Variants in DIAPH3 observed in about 807,000 individuals in gnomAD.
DIAPH3 encodes protein diaphanous homolog 3.
In DIAPH3, 117 loss-of-function variants were observed where a neutral mutation model predicts 144.3. The ratio of observed to expected loss-of-function variants is 0.81; its 90% CI spans 0.70 to 0.95. DIAPH3 has a LOEUF of 0.95. DIAPH3 is among the 40% of genes least tolerant of loss of function. DIAPH3 has a pLI of 0.00. For missense variants in DIAPH3, 1,421 were observed against 1,412.7 expected, an observed-to-expected ratio of 1.01 and a Z score of -0.09; for synonymous variants, 519 against 488.9, an observed-to-expected ratio of 1.06 and a Z score of -0.81.
At chr13:59,920,640 A>G (rs986713053) in intron 18 of DIAPH3, among the ~76,000 whole-genome samples, 3 of 151,724 alleles carry the variant, frequency 2.0e-5, no homozygotes, top group Non-Finnish European at 3.0e-5. Context: ...TTGCAATACA[A>G]TATTAGGAGA....
intron 20 of DIAPH3, among the ~76,000 whole-genome samples, chr13:59,892,072 A>G (rs910154968): frequency 6.6e-6 from 1 of 152,062 alleles, no homozygotes; most frequent in South Asian, 2.1e-4. Context: ...GGAATATACC[A>G]TAAGTAAGCA....
intron 4 of DIAPH3, among the ~76,000 whole-genome samples, chr13:60,088,052 G>A (rs1469417892): frequency 2.0e-5 from 3 of 152,046 alleles, no homozygotes; most frequent in Non-Finnish European, 4.4e-5. Flanking sequence ...AAACCTAATG[G>A]TACAGCCAAA....
intron 27 of DIAPH3, among the ~76,000 whole-genome samples, chr13:59,685,461 G>A (rs979264179): frequency 6.6e-6 from 1 of 152,090 alleles, no homozygotes; most frequent in African/African-American, 2.4e-5. Context: ...AAAGAAGCAG[G>A]TATGTGGACA....
Position 59,864,784 on chromosome 13 carries a change from G to A in DIAPH3, c.2608-3248C>T, listed in dbSNP as rs527678022. The stretch of plus-strand genomic sequence containing the variant: ...TGATTTAGGAGGAGGGTGCTACCAT[G>A]GGTTGTCTTGTTGAAAACATCAACT... On this transcript the variant is annotated intron_variant, in intron 21 of 27. Transcript: ENST00000400324. Among the ~76,000 whole-genome samples the A allele has an allele frequency of 1.1e-4, 16 of 152,016 alleles. 1 individual carries two copies. The East Asian group carries it at 3.1e-3, about 29-fold the overall frequency.
intron 21 of DIAPH3, among the ~76,000 whole-genome samples, chr13:59,871,474 C>A (rs2044276135): frequency 6.6e-6 from 1 of 152,056 alleles, no homozygotes; most frequent in Non-Finnish European, 1.5e-5. Context: ...TCCCCTCTAC[C>A]CCTATTTGGT....
intron 27 of DIAPH3, among the ~76,000 whole-genome samples, chr13:59,708,909 A>G (rs1355627625): frequency 6.6e-6 from 1 of 152,128 alleles, no homozygotes; most frequent in African/African-American, 2.4e-5. Flanking sequence ...ATCCTTTACC[A>G]AAAGACCTTT....
chr13:59,749,865 G>T (rs907845966), intron 27 of DIAPH3, among the ~76,000 whole-genome samples: 1 of 152,074 alleles, frequency 6.6e-6, no homozygotes, highest in Non-Finnish European at 1.5e-5. Context: ...GATGTATTAG[G>T]ATCACCATCA....
At chr13:59,777,303 T>C (rs901967454) in intron 25 of DIAPH3, among the ~76,000 whole-genome samples, 2 of 152,138 alleles carry the variant, frequency 1.3e-5, no homozygotes, top group African/African-American at 4.8e-5. Flanking sequence ...ATCATGGGAA[T>C]GGGATTATTG....
At chr13:59,925,383 T>C (rs2047704708) in intron 17 of DIAPH3, among the ~76,000 whole-genome samples, 1 of 152,188 alleles carries the variant, frequency 6.6e-6, no homozygotes, top group Non-Finnish European at 1.5e-5. Context: ...TTGAATCATC[T>C]ATGCATCCTT....
Position 60,097,313 on chromosome 13 carries a change from G to A in DIAPH3, c.391-3581C>T, listed in dbSNP as rs184015906. 5.1e-3 allele frequency among the ~76,000 whole-genome samples: 780 copies of A among 152,294 alleles called. 2 individuals carry two copies. Among genetic ancestry groups the A allele is most frequent in the Admixed American group, 7.7e-3 (118 of 15,286 alleles). ...CATGGGTGCAGCTCCCTCATGAATAGATTAATGACCTTCCTGGGGTGGGGG... is the reference window on the plus strand; with the variant it reads ...CATGGGTGCAGCTCCCTCATGAATAAATTAATGACCTTCCTGGGGTGGGGG... On this transcript the variant is annotated intron_variant, in intron 3 of 27. Coordinates refer to ENST00000400324, the MANE Select transcript of DIAPH3 (RefSeq NM_001042517.2).
At chr13:60,095,536 TGA>T (rs2058082136) in intron 3 of DIAPH3, among the ~76,000 whole-genome samples, 1 of 152,046 alleles carries the variant, frequency 6.6e-6, no homozygotes, top group African/African-American at 2.4e-5. Context: ...ATGGCGCTAG[TGA>T]GAGTGTCTTA....
intron 2 of DIAPH3, among the ~76,000 whole-genome samples, chr13:60,129,524 C>A (rs933847132): frequency 2.6e-5 from 4 of 152,104 alleles, no homozygotes; most frequent in African/African-American, 9.7e-5. Flanking sequence ...CTTTTGCAGA[C>A]CTTTAACAAA....
intron 27 of DIAPH3, among the ~76,000 whole-genome samples, chr13:59,768,488 T>C (rs899103435): frequency 5.9e-5 from 9 of 152,088 alleles, no homozygotes; most frequent in African/African-American, 1.2e-4. Flanking sequence ...ATGGAAACCT[T>C]AGAAATTTCC....
chr13:59,920,085 A>G (rs1197760819), intron 18 of DIAPH3, among the ~76,000 whole-genome samples: 2 of 151,986 alleles, frequency 1.3e-5, no homozygotes, highest in Non-Finnish European at 2.9e-5. Flanking sequence ...AAAACATACT[A>G]TTAGAGAATA....
intron 21 of DIAPH3, among the ~76,000 whole-genome samples, chr13:59,870,179 A>T (rs1182736948): frequency 1.8e-4 from 27 of 149,338 alleles, no homozygotes; most frequent in African/African-American, 6.4e-4. Context: ...TTTTTTTTTT[A>T]AATGTAGATG....
chr13:59,675,917 G>C (rs1039452839), intron 27 of DIAPH3, among the ~76,000 whole-genome samples: 1 of 152,176 alleles, frequency 6.6e-6, no homozygotes, highest in Non-Finnish European at 1.5e-5. Flanking sequence ...CTTGCGAGCT[G>C]TATTAGAAAC....
intron 1 of DIAPH3, among the ~76,000 whole-genome samples, chr13:60,153,744 G>A (rs1951903113): frequency 6.6e-6 from 1 of 151,976 alleles, no homozygotes; most frequent in South Asian, 2.1e-4. Context: ...TAGTTTTATA[G>A]CTGTAAAAAG....
chr13:60,059,673 T>C (rs898246046), intron 4 of DIAPH3, among the ~76,000 whole-genome samples: 1 of 151,636 alleles, frequency 6.6e-6, no homozygotes, highest in Non-Finnish European at 1.5e-5. Context: ...TTTAAAGATT[T>C]AAAGGCAGCT....
At chr13:59,790,841 T>C (rs1488704086) in intron 25 of DIAPH3, among the ~76,000 whole-genome samples, 1 of 151,990 alleles carries the variant, frequency 6.6e-6, no homozygotes, top group South Asian at 2.1e-4. Flanking sequence ...TGTGCTACAG[T>C]CTCAAGAGAA....
Sources: allele counts gnomAD v4.1 joint callset (sites outside exome capture counted in the v4.1 genomes callset), GRCh38; gene constraint gnomAD v4.1.1; transcripts MANE v1.5; gene names NCBI Gene and HGNC (gene_info 2026-07-23, HGNC 2026-07-21).